IQCM: variants seen among roughly 807,000 people sequenced by gnomAD.
IQCM encodes the protein IQ motif containing M, also known as IQ domain-containing protein M.
In IQCM, 45 loss-of-function variants were observed where a neutral mutation model predicts 57.6. The observed-to-expected ratio is 0.78, with a 90% confidence interval of 0.62 to 1.00. The LOEUF is 1.00. Ranked by LOEUF, IQCM falls within the 50% of genes least tolerant of loss-of-function variation. The pLI is 0.00. For synonymous variants in IQCM, 148 were observed against 158.9 expected, an observed-to-expected ratio of 0.93 and a Z score of 0.51; for missense variants, 468 against 511.6, an observed-to-expected ratio of 0.91 and a Z score of 0.82.
chr4:149,483,544 C>A (rs1741139582), intron 12 of IQCM, among the ~76,000 whole-genome samples: 1 of 151,854 alleles, frequency 6.6e-6, no homozygotes, highest in Non-Finnish European at 1.5e-5. Flanking sequence ...CATTAAGAGG[C>A]ATATTGTTTA....
At position 149,583,808 on chromosome 4, in the gene IQCM, G is replaced by A. The variant is rs143258278; in HGVS notation, c.749+4122C>T. Among the ~76,000 whole-genome samples, 13 of 151,546 alleles carry A rather than the reference G, an allele frequency of 8.6e-5. 1 individual carries two copies. In the East Asian group the frequency reaches 2.3e-3, roughly 27 times the overall value. Reference sequence around the variant, plus strand: ...GGTTCACAGTTTTTGCTTAGATATTGAGGATGAACTCTCAATGCATTACTT... The same window carrying A: ...GGTTCACAGTTTTTGCTTAGATATTAAGGATGAACTCTCAATGCATTACTT... On this transcript the variant is annotated intron_variant, in intron 9 of 13. Transcript: ENST00000636793.
At chr4:149,544,406 A>G (rs1395287275) in intron 12 of IQCM, among the ~76,000 whole-genome samples, 1 of 152,192 alleles carries the variant, frequency 6.6e-6, no homozygotes. Context: ...GATGAAATAA[A>G]TTGAAGACAC....
intron 7 of IQCM, among the ~76,000 whole-genome samples, chr4:149,675,565 G>A (rs1295143476): frequency 6.6e-6 from 1 of 152,004 alleles, no homozygotes; most frequent in African/African-American, 2.4e-5. Flanking sequence ...ATGAATTTCA[G>A]GAGTGGGAGG....
chr4:149,742,573 G>T, intron 3 of IQCM, 82 bp downstream of exon 3: 1 of 734,806 alleles, frequency 1.4e-6, no homozygotes, highest in Non-Finnish European at 1.9e-6. Context: ...GTGCTCTGAG[G>T]GTCACTAATT....
intron 7 of IQCM, among the ~76,000 whole-genome samples, chr4:149,629,490 C>A (rs993183236): frequency 6.6e-6 from 1 of 151,946 alleles, no homozygotes; most frequent in Non-Finnish European, 1.5e-5. Flanking sequence ...GAATCATGAC[C>A]TTGCCCTTCA....
chr4:149,526,219 T>C (rs528535827), intron 12 of IQCM, among the ~76,000 whole-genome samples: 16 of 151,970 alleles, frequency 1.1e-4, no homozygotes, highest in Non-Finnish European at 2.2e-4. Context: ...TCCAAAAAGA[T>C]GTTTGTAAGG....
At chr4:149,420,855 T>C (rs1450156245) in intron 13 of IQCM, among the ~76,000 whole-genome samples, 3 of 152,036 alleles carry the variant, frequency 2.0e-5, no homozygotes, top group African/African-American at 4.8e-5. Context: ...CAAGGTGTAG[T>C]GAGGCACCAG....
At chr4:149,766,849 G>T (rs922015812) in intron 2 of IQCM, among the ~76,000 whole-genome samples, 2 of 152,034 alleles carry the variant, frequency 1.3e-5, no homozygotes, top group Non-Finnish European at 2.9e-5. Flanking sequence ...AGGCTTTCAG[G>T]TTAAAAACAT....
At chr4:149,799,305 G>A (rs556584153) in intron 2 of IQCM, among the ~76,000 whole-genome samples, 1 of 151,340 alleles carries the variant, frequency 6.6e-6, no homozygotes, top group Non-Finnish European at 1.5e-5. Flanking sequence ...AATAAAAATG[G>A]AAACACAACA....
chr4:149,755,595 G>A (rs569634780), intron 2 of IQCM, among the ~76,000 whole-genome samples: 65 of 152,196 alleles, frequency 4.3e-4, no homozygotes, highest in African/African-American at 1.3e-3. Flanking sequence ...ACCCATTCAC[G>A]ATTGCAACCC....
chr4:149,560,292 G>A (rs1343809198), intron 10 of IQCM, among the ~76,000 whole-genome samples: 4 of 151,948 alleles, frequency 2.6e-5, no homozygotes, highest in African/African-American at 9.7e-5. Context: ...GATTCTCCAG[G>A]GCTGTTCCAA....
intron 12 of IQCM, among the ~76,000 whole-genome samples, chr4:149,474,553 CA>C (rs35089303): frequency 0.94 from 119,337 of 126,772 alleles, 56,225 homozygotes; most frequent in Non-Finnish European, 0.98. Flanking sequence ...ACTAAAAATA[CA>C]AAAAAAAAAA....
chr4:149,400,352 A>C (rs112340277), intron 13 of IQCM, among the ~76,000 whole-genome samples: 4,618 of 152,104 alleles, frequency 0.03, 103 homozygotes, highest in South Asian at 0.048. Flanking sequence ...AAGGTGAAAG[A>C]GTGGAAAATA....
At chr4:149,430,069 CT>C in intron 13 of IQCM, 1 of 1,139,838 alleles carries the variant, frequency 8.8e-7, no homozygotes, top group Non-Finnish European at 1.1e-6. Flanking sequence ...CTTAATTCAT[CT>C]TATTAAACCC....
At chr4:149,773,203 T>C (rs1163762557) in intron 2 of IQCM, among the ~76,000 whole-genome samples, 1 of 151,944 alleles carries the variant, frequency 6.6e-6, no homozygotes, top group Non-Finnish European at 1.5e-5. Flanking sequence ...TACAAAAACA[T>C]TAGCGGGGCA....
At chr4:149,719,431 C>G (rs965473514) in intron 5 of IQCM, among the ~76,000 whole-genome samples, 2 of 151,578 alleles carry the variant, frequency 1.3e-5, no homozygotes, top group African/African-American at 4.8e-5. Context: ...TTATCTGAAA[C>G]AAATATAAGA....
Position 149,599,282 on chromosome 4 carries a change from G to T in IQCM, c.682-11285C>A, listed in dbSNP as rs573793242. Among the ~76,000 whole-genome samples the T allele has an allele frequency of 2.0e-5, 3 of 152,182 alleles. No individual in the cohort carries two copies. In the East Asian group the frequency reaches 5.8e-4, roughly 29 times the overall value. ...ATTATACAACCACATCAATAAAGAT[G>T]AATGGATCACAAAAATACATTGTTG... On this transcript the variant is annotated intron_variant, in intron 8 of 13. Coordinates refer to ENST00000636793, the MANE Select transcript of IQCM (RefSeq NM_001363507.2).
At chr4:149,673,724 A>G (rs1190432464) in intron 7 of IQCM, among the ~76,000 whole-genome samples, 1 of 152,274 alleles carries the variant, frequency 6.6e-6, no homozygotes, top group East Asian at 1.9e-4. Context: ...TGAGACAGAA[A>G]GTTAACAAGG....
chr4:149,565,772 T>G (rs769901874), intron 9 of IQCM, among the ~76,000 whole-genome samples: 1 of 152,176 alleles, frequency 6.6e-6, no homozygotes, highest in Non-Finnish European at 1.5e-5. Context: ...GGCTGCTAGT[T>G]CTCTTTGTGT....
Sources: allele counts gnomAD v4.1 joint callset (sites outside exome capture counted in the v4.1 genomes callset), GRCh38; gene constraint gnomAD v4.1.1; transcripts MANE v1.5; gene names NCBI Gene and HGNC (gene_info 2026-07-23, HGNC 2026-07-21).